Variants in PBLD observed in about 807,000 individuals in gnomAD.
PBLD encodes phenazine biosynthesis-like domain-containing protein.
PBLD carries 26 observed loss-of-function variants against 31.3 expected under a neutral mutation model. The ratio of observed to expected loss-of-function variants is 0.83; its 90% CI spans 0.61 to 1.15. The LOEUF (loss-of-function observed/expected upper bound fraction) is 1.15. PBLD is among the 50% of genes most tolerant of loss of function. The pLI is 0.00. For synonymous variants in PBLD, 114 were observed against 129.0 expected (o/e 0.88, Z 0.79); for missense variants, 307 against 351.7 (o/e 0.87, Z 1.02).
At chr10:68,297,258 T>A in intron 2 of PBLD, 1 of 451,786 alleles carries the variant, frequency 2.2e-6, no homozygotes, top group South Asian at 2.4e-5. Flanking sequence ...CACAGTAAGA[T>A]CTAGTCTAGC....
chr10:68,284,735 C>G (rs1378559485), intron 9 of PBLD, among the ~76,000 whole-genome samples: 1 of 152,204 alleles, frequency 6.6e-6, no homozygotes, highest in Non-Finnish European at 1.5e-5. Flanking sequence ...AGTTCATTCA[C>G]TCATAACATA....
chr10:68,298,757 TACACACACACAC>T (rs57358655), intron 2 of PBLD, among the ~76,000 whole-genome samples: 13,492 of 146,824 alleles, frequency 0.092, 642 homozygotes, highest in East Asian at 0.18. Flanking sequence ...TGCATACGAA[TACACACACACAC>T]ACACACACAC....
chr10:68,297,577 G>T (rs2044447124), intron 2 of PBLD, among the ~76,000 whole-genome samples: 1 of 152,166 alleles, frequency 6.6e-6, no homozygotes, highest in East Asian at 1.9e-4. Context: ...TTCTGTTGGG[G>T]TATGGACTGT....
At chr10:68,320,969 G>A (rs541401225) in intron 1 of PBLD, among the ~76,000 whole-genome samples, 34 of 151,820 alleles carry the variant, frequency 2.2e-4, no homozygotes, top group African/African-American at 6.0e-4. Context: ...CTACAGGTGC[G>A]CACCACCACG....
Position 68,296,899 on chromosome 10 carries a change from G to A in PBLD, c.171C>T (p.Asp57=). ...TAFIRKLHPT[D]NFAQSSCFGL... is the part of the protein sequence containing the mutation. ...ATGCATATTTACTTTGTGCAAAGTT[G>A]TCTGTCGGGTGCAGTTTTCGGATAA... The change falls in exon 3 of 10, where the codon GAC becomes GAT. Residue 57 remains aspartate, a synonymous_variant. Transcript: ENST00000358769. 1.2e-6 allele frequency: 2 copies of A among 1,611,914 alleles called. No individual in the cohort carries two copies. The highest frequency in any genetic ancestry group is 1.7e-6 in the Non-Finnish European group (2 of 1,178,252).
At chr10:68,284,340 A>C (rs763692437) in intron 9 of PBLD, 51 bp from the exon 10 acceptor site, 36 of 1,455,246 alleles carry the variant, frequency 2.5e-5, no homozygotes, top group South Asian at 3.5e-5. Context: ...CTTTTAAATT[A>C]ACAAAGCATA....
intron 1 of PBLD, among the ~76,000 whole-genome samples, chr10:68,307,947 A>C (rs1341580808): frequency 6.6e-6 from 1 of 152,208 alleles, no homozygotes; most frequent in Non-Finnish European, 1.5e-5. Flanking sequence ...CTTGGAAAAT[A>C]AAGACCCATA....
chr10:68,323,959 A>G (rs940907305), intron 1 of PBLD, among the ~76,000 whole-genome samples: 1 of 152,178 alleles, frequency 6.6e-6, no homozygotes, highest in African/African-American at 2.4e-5. Flanking sequence ...TTAATTTCCT[A>G]CTAGACACAT....
Position 68,306,887 on chromosome 10 carries a change from A to G in PBLD, c.-43T>C, listed in dbSNP as rs780446067. The G allele has an allele frequency of 2.7e-6, 4 of 1,496,566 alleles. No individual in the cohort carries two copies. The South Asian group carries it at 3.5e-5, about 13-fold the overall frequency. 92.7% of individuals were successfully genotyped at this position (1,496,566 alleles called of 1,614,324 possible). On this transcript the variant is annotated 5_prime_UTR_variant, in exon 2 of 10. Transcript: ENST00000358769. Reference sequence around the variant, plus strand: ...TTTGCAAGTTCTCAAAATTGCTGGTAGCCTGCTTTACGTCTTCTTCTTGGA... The same window carrying G: ...TTTGCAAGTTCTCAAAATTGCTGGTGGCCTGCTTTACGTCTTCTTCTTGGA...
At chr10:68,316,315 G>T (rs373933320) in intron 1 of PBLD, among the ~76,000 whole-genome samples, 1 of 151,990 alleles carries the variant, frequency 6.6e-6, no homozygotes, top group Non-Finnish European at 1.5e-5. Flanking sequence ...GAACCAAGTA[G>T]AAATTGTAGA....
rs558983841 is a variant in PBLD, at chr10:68,313,092, TA to T, written c.-59-6190del. 1.1e-4 allele frequency among the ~76,000 whole-genome samples: 16 copies of T among 152,198 alleles called. No individual in the cohort carries two copies. In the South Asian group the frequency reaches 2.3e-3, roughly 22 times the overall value. ...ACCACGCCTGACTGACTTTTGTATT[TA>T]TTGTAGAGAGGGGTTCTCGCCATGT... On this transcript the variant is annotated intron_variant, in intron 1 of 9. Coordinates refer to ENST00000358769, the MANE Select transcript of PBLD (RefSeq NM_022129.4).
chr10:68,288,937 T>G lies in PBLD; in HGVS notation c.506A>C (p.Tyr169Ser), dbSNP rs1176117533. Residue 169 changes from tyrosine (Y) to serine (S), a missense_variant, in exon 7 of 10, where the codon TAC becomes TCC. Physicochemically the swap from Tyr to Ser is moderately radical, Grantham distance 144. Coordinates refer to ENST00000358769, the MANE Select transcript of PBLD (RefSeq NM_022129.4). ...ATGCAGCCAAAAATCTTACCTGTTGTAAACGTCACTGAGGCGGACGAGGAG... is the reference window on the plus strand; with the variant it reads ...ATGCAGCCAAAAATCTTACCTGTTGGAAACGTCACTGAGGCGGACGAGGAG... Reference protein sequence around the residue: ...QKLLVRLSDVYNRSFLENLKV... With the variant: ...QKLLVRLSDVSNRSFLENLKV... The G allele has an allele frequency of 3.1e-6, 5 of 1,614,084 alleles. No homozygotes were observed. The highest frequency in any genetic ancestry group is 1.6e-4 in the Middle Eastern group (1 of 6,062).
At position 68,318,096 on chromosome 10, in the gene PBLD, A is replaced by G. The variant is rs560783712; in HGVS notation, c.-59-11193T>C. 4.7e-4 allele frequency among the ~76,000 whole-genome samples: 72 copies of G among 151,972 alleles called. No homozygotes were observed. The East Asian group carries it at 7.0e-3, about 15-fold the overall frequency. On this transcript the variant is annotated intron_variant, in intron 1 of 9. Coordinates refer to ENST00000358769, the MANE Select transcript of PBLD (RefSeq NM_022129.4). ...CAAAAAATTAGCCAGGCGTGGTGGC[A>G]GGCACTTGTAGTCCCAGCTACTTGG...
Position 68,292,223 on chromosome 10 carries a change from G to C in PBLD, c.299C>G (p.Thr100Arg). 1 of 1,613,306 alleles carries C rather than the reference G, an allele frequency of 6.2e-7. No homozygotes were observed. Among genetic ancestry groups the C allele is most frequent in the Non-Finnish European group, 8.5e-7 (1 of 1,179,914 alleles). The change falls in exon 5 of 10, where the codon ACG (threonine) becomes AGG (arginine). Residue 100 changes from threonine to arginine, a missense_variant. Transcript: ENST00000358769. ...TCCACTCAGAGTGACAAACGTGAGCGTGCTATTCATGTTTTCTGGCCAAAA... is the reference window on the plus strand; with the variant it reads ...TCCACTCAGAGTGACAAACGTGAGCCTGCTATTCATGTTTTCTGGCCAAAA... ...LFHKIKNMNS[T>R]LTFVTLSGEL...
At chr10:68,301,700 A>T (rs781733498) in intron 2 of PBLD, among the ~76,000 whole-genome samples, 1 of 152,064 alleles carries the variant, frequency 6.6e-6, no homozygotes, top group Non-Finnish European at 1.5e-5. Context: ...GACCTTTAGG[A>T]TAAGTCTTTA....
intron 2 of PBLD, among the ~76,000 whole-genome samples, chr10:68,304,916 T>C (rs1045496920): frequency 1.3e-5 from 2 of 152,202 alleles, no homozygotes; most frequent in African/African-American, 4.8e-5. Context: ...CTTGTAATAA[T>C]GGACAAAGTT....
intron 9 of PBLD, chr10:68,285,030 T>C: frequency 8.4e-7 from 1 of 1,192,304 alleles, no homozygotes; most frequent in Non-Finnish European, 1.0e-6. Context: ...GTAAGGAACC[T>C]TGGTCATCAT....
intron 8 of PBLD, chr10:68,287,107 CA>C (rs58960513): frequency 0.87 from 94,156 of 107,962 alleles, 41,010 homozygotes; most frequent in Middle Eastern, 0.97. Flanking sequence ...CCAGCCTGGG[CA>C]AAAAAAAAAA....
intron 2 of PBLD, among the ~76,000 whole-genome samples, chr10:68,302,538 A>C (rs1026564984): frequency 5.9e-5 from 9 of 152,170 alleles, no homozygotes; most frequent in African/African-American, 2.2e-4. Flanking sequence ...GGAAGTGGCA[A>C]ACTTGTAAAC....
Sources: allele counts gnomAD v4.1 joint callset (sites outside exome capture counted in the v4.1 genomes callset), GRCh38; gene constraint gnomAD v4.1.1; transcripts MANE v1.5; gene names NCBI Gene and HGNC (gene_info 2026-07-23, HGNC 2026-07-21).